The following MTMR7 variants were observed in gnomAD, a reference collection of about 807,000 sequenced individuals.
MTMR7 encodes myotubularin related protein 7, also known as phosphatidylinositol-3-phosphate phosphatase MTMR7.
Under a neutral mutation model 81.2 loss-of-function variants are expected in MTMR7, and 76 were observed. The ratio of observed to expected loss-of-function variants is 0.94; its 90% CI spans 0.78 to 1.13. The LOEUF (loss-of-function observed/expected upper bound fraction) is 1.13. Ranked by LOEUF, MTMR7 falls within the 50% of genes most tolerant of loss-of-function variation. MTMR7 has a pLI of 0.00. For missense variants in MTMR7, 1,044 were observed against 820.0 expected, an observed-to-expected ratio of 1.27 and a Z score of -3.34; for synonymous variants, 372 against 289.8, an observed-to-expected ratio of 1.28 and a Z score of -2.88.
At chr8:17,354,029 A>G (rs547748912) in intron 4 of MTMR7, among the ~76,000 whole-genome samples, 3 of 152,306 alleles carry the variant, frequency 2.0e-5, no homozygotes, top group East Asian at 1.9e-4. Context: ...TCCAGTAAAT[A>G]TATTTATCAC....
intron 1 of MTMR7, among the ~76,000 whole-genome samples, chr8:17,382,536 C>G (rs1820791012): frequency 6.6e-6 from 1 of 152,154 alleles, no homozygotes; most frequent in African/African-American, 2.4e-5. Context: ...TTTCATTTGA[C>G]TTTATTTTAA....
At chr8:17,387,927 T>G (rs1415124579) in intron 1 of MTMR7, among the ~76,000 whole-genome samples, 1 of 152,218 alleles carries the variant, frequency 6.6e-6, no homozygotes, top group Non-Finnish European at 1.5e-5. Context: ...ATACATTTGT[T>G]AAAACAGCAG....
chr8:17,388,987 A>G (rs1433933922), intron 1 of MTMR7, among the ~76,000 whole-genome samples: 1 of 152,206 alleles, frequency 6.6e-6, no homozygotes. Flanking sequence ...ATGAGTATAA[A>G]GCAGAATGCC....
At chr8:17,381,648 A>G (rs930509109) in intron 1 of MTMR7, among the ~76,000 whole-genome samples, 1 of 152,160 alleles carries the variant, frequency 6.6e-6, no homozygotes, top group Non-Finnish European at 1.5e-5. Flanking sequence ...CAAGTCCTCA[A>G]AACCATATAA....
At chr8:17,395,267 G>A (rs1821214499) in intron 1 of MTMR7, among the ~76,000 whole-genome samples, 1 of 152,146 alleles carries the variant, frequency 6.6e-6, no homozygotes, top group South Asian at 2.1e-4. Flanking sequence ...TTTCAAGGCT[G>A]AATAATATTC....
intron 4 of MTMR7, 125 bp downstream of exon 4, chr8:17,360,992 T>C (rs1373736457): frequency 1.8e-6 from 2 of 1,104,246 alleles, no homozygotes; most frequent in Non-Finnish European, 2.6e-6. Flanking sequence ...AAGAGAGACC[T>C]GGAAATCCAC....
intron 12 of MTMR7, 34 bp downstream of exon 12, chr8:17,304,345 A>G (rs754865751): frequency 1.3e-6 from 2 of 1,598,540 alleles, no homozygotes; most frequent in Non-Finnish European, 8.6e-7. Flanking sequence ...CCAAGTTCAT[A>G]CCATGGCTAC....
intron 3 of MTMR7, among the ~76,000 whole-genome samples, chr8:17,367,001 T>C (rs946227879): frequency 1.3e-5 from 1 of 75,790 alleles, no homozygotes; most frequent in African/African-American, 1.1e-4. Context: ...CTTATCTGTC[T>C]TGTTTTAAGC....
intron 1 of MTMR7, among the ~76,000 whole-genome samples, chr8:17,403,814 T>C (rs1300125017): frequency 6.6e-6 from 1 of 152,204 alleles, no homozygotes; most frequent in Non-Finnish European, 1.5e-5. Context: ...TTCCTAGGTA[T>C]TTTATATTAT....
chr8:17,356,978 T>C (rs1305959218), intron 4 of MTMR7, among the ~76,000 whole-genome samples: 1 of 152,146 alleles, frequency 6.6e-6, no homozygotes, highest in Non-Finnish European at 1.5e-5. Context: ...TCATAAACTC[T>C]ACTCCTAAGT....
intron 4 of MTMR7, among the ~76,000 whole-genome samples, chr8:17,353,683 T>C (rs1443098702): frequency 1.3e-5 from 2 of 152,212 alleles, no homozygotes; most frequent in African/African-American, 4.8e-5. Context: ...GAAAATGTTT[T>C]TCTCCTGAAT....
At chr8:17,352,652 G>A (rs529440037) in intron 4 of MTMR7, among the ~76,000 whole-genome samples, 1 of 152,106 alleles carries the variant, frequency 6.6e-6, no homozygotes, top group African/African-American at 2.4e-5. Flanking sequence ...ACAATCAAAA[G>A]TGAAAAAGCA....
In MTMR7 at chr8:17,322,950, C is replaced by CTT. The variant is rs58584179; in HGVS notation, c.865+8198_865+8199dup. Among the ~76,000 whole-genome samples, 474 of 125,742 alleles carry CTT rather than the reference C, an allele frequency of 3.8e-3. 10 individuals carry two copies. Among genetic ancestry groups the CTT allele is most frequent in the South Asian group, 0.033 (131 of 4,012 alleles). The allele number at this position is 125,742 out of a possible 152,430, so 82.5% of individuals were successfully genotyped here. A position where few individuals can be genotyped will look rare whatever the true frequency, so the allele number is the denominator to read the frequency against. On this transcript the variant is annotated intron_variant, in intron 7 of 13. Coordinates refer to ENST00000180173, the MANE Select transcript of MTMR7 (RefSeq NM_004686.5). ...TCCCATCTAGAGTGGATTGAATTAT[C>CTT]TTTTTTTTTTTTTTTTTGAGACAGT...
chr8:17,364,021 A>AT (rs36217265), intron 3 of MTMR7, among the ~76,000 whole-genome samples: 6,218 of 70,968 alleles, frequency 0.088, 1,019 homozygotes, highest in Non-Finnish European at 0.1. Flanking sequence ...TGTTGCTATT[A>AT]TTTTTTTTTT....
At chr8:17,337,650 C>G (rs1304829176) in intron 6 of MTMR7, among the ~76,000 whole-genome samples, 2 of 152,230 alleles carry the variant, frequency 1.3e-5, no homozygotes, top group Middle Eastern at 3.4e-3. Flanking sequence ...GGGTCTCACT[C>G]TGTTGCCCAA....
intron 3 of MTMR7, among the ~76,000 whole-genome samples, chr8:17,367,177 A>G (rs1250721056): frequency 1.3e-5 from 2 of 152,312 alleles, no homozygotes; most frequent in African/African-American, 4.8e-5. Flanking sequence ...GACTACTTCA[A>G]TCATGAGATT....
intron 7 of MTMR7, among the ~76,000 whole-genome samples, chr8:17,325,161 C>T (rs1818618618): frequency 6.6e-6 from 1 of 151,958 alleles, no homozygotes; most frequent in Non-Finnish European, 1.5e-5. Flanking sequence ...GCAGAGAGAA[C>T]TATTTCAGAG....
chr8:17,318,040 A>G (rs930430989), intron 7 of MTMR7, among the ~76,000 whole-genome samples: 1 of 152,122 alleles, frequency 6.6e-6, no homozygotes, highest in Admixed American at 6.6e-5. Flanking sequence ...GCTGGAACTG[A>G]GACTCCCTAC....
chr8:17,370,872 G>C (rs779213320), intron 3 of MTMR7, among the ~76,000 whole-genome samples, 165 bp downstream of exon 3: 1 of 152,122 alleles, frequency 6.6e-6, no homozygotes, highest in East Asian at 1.9e-4. Flanking sequence ...AAAAAAACAA[G>C]AAACTCTGTA....
Sources: allele counts gnomAD v4.1 joint callset (sites outside exome capture counted in the v4.1 genomes callset), GRCh38; gene constraint gnomAD v4.1.1; transcripts MANE v1.5; gene names NCBI Gene and HGNC (gene_info 2026-07-23, HGNC 2026-07-21).